Variants in BBS4 observed in about 807,000 individuals in gnomAD.
The protein encoded by BBS4 is BBSome complex member BBS4.
In BBS4, 58 loss-of-function variants were observed where a neutral mutation model predicts 71.4. The observed-to-expected ratio is 0.81, with a 90% CI of 0.66 to 1.01. BBS4 has a LOEUF of 1.01. Among genes scored for constraint, BBS4 ranks in the 50% least tolerant of loss-of-function variants. BBS4 has a pLI of 0.00. For synonymous variants in BBS4, 228 were observed against 216.8 expected, an observed-to-expected ratio of 1.05 and a Z score of -0.46; for missense variants, 660 against 607.9, an observed-to-expected ratio of 1.09 and a Z score of -0.90.
intron 1 of BBS4, among the ~76,000 whole-genome samples, chr15:72,688,954 CCTCT>C: frequency 6.6e-6 from 1 of 152,040 alleles, no homozygotes; most frequent in East Asian, 1.9e-4. Context: ...CTCAGAAGCC[CCTCT>C]CTCTCACTAG....
intron 14 of BBS4, among the ~76,000 whole-genome samples, chr15:72,736,465 C>T (rs1327190354): frequency 1.3e-5 from 2 of 152,062 alleles, no homozygotes; most frequent in Non-Finnish European, 2.9e-5. Flanking sequence ...TGGTCTTGAT[C>T]TCTTGACCTC....
intron 4 of BBS4, 114 bp downstream of exon 4, chr15:72,712,421 A>C: frequency 1.0e-6 from 1 of 966,610 alleles, no homozygotes; most frequent in Non-Finnish European, 1.6e-6. Flanking sequence ...CCACTTAACA[A>C]TGGAGATATG....
intron 2 of BBS4, among the ~76,000 whole-genome samples, chr15:72,706,465 T>C (rs2151012145): frequency 6.6e-6 from 1 of 152,272 alleles, no homozygotes; most frequent in East Asian, 1.9e-4. Context: ...GTGCACTTTA[T>C]GCACTTAACA....
rs910553502 is a variant in BBS4 at position 72,737,800 on chromosome 15, A to C, written c.*213A>C. ...CCTCTACTGCCCCATAAGCCAGGAA[A>C]AGTGAAAAGAGAACACAGTTCCTTT... On this transcript the variant is annotated 3_prime_UTR_variant, in exon 16 of 16. Coordinates refer to ENST00000268057, the MANE Select transcript of BBS4 (RefSeq NM_033028.5). 5.2e-6 allele frequency: 3 copies of C among 582,246 alleles called. No homozygotes were observed. In the East Asian group the frequency reaches 1.1e-4, roughly 22 times the overall value. 36.1% of individuals were successfully genotyped at this position (582,246 alleles called of 1,614,324 possible).
chr15:72,728,969 C>G (rs968003238), intron 9 of BBS4, among the ~76,000 whole-genome samples: 1 of 152,176 alleles, frequency 6.6e-6, no homozygotes, highest in East Asian at 1.9e-4. Flanking sequence ...GAGGTTGGCT[C>G]CACGGGAGAT....
intron 1 of BBS4, among the ~76,000 whole-genome samples, chr15:72,690,184 G>A (rs2150990373): frequency 6.6e-6 from 1 of 152,210 alleles, no homozygotes; most frequent in East Asian, 1.9e-4. Context: ...TAAATTGAAG[G>A]ATTAAACTGA....
At chr15:72,718,556 G>A (rs977431395) in intron 6 of BBS4, among the ~76,000 whole-genome samples, 3 of 152,150 alleles carry the variant, frequency 2.0e-5, no homozygotes, top group South Asian at 2.1e-4. Flanking sequence ...TTTGTTAGTC[G>A]CTTTTCTTCT....
At chr15:72,701,700 G>A (rs941838572) in intron 2 of BBS4, among the ~76,000 whole-genome samples, 1 of 151,992 alleles carries the variant, frequency 6.6e-6, no homozygotes, top group Non-Finnish European at 1.5e-5. Context: ...AGTATCCTAT[G>A]TGCCCTTTGA....
intron 1 of BBS4, chr15:72,686,796 GTCGCTA>G: frequency 2.8e-6 from 1 of 353,150 alleles, no homozygotes; most frequent in South Asian, 2.2e-5. Flanking sequence ...GGATGACCTA[GTCGCTA>G]TTTTTTGAGG....
chr15:72,696,054 T>G (rs575435637), intron 2 of BBS4, among the ~76,000 whole-genome samples: 1 of 152,244 alleles, frequency 6.6e-6, no homozygotes, highest in Non-Finnish European at 1.5e-5. Context: ...CTTACTGATG[T>G]AGTTACTGAT....
intron 7 of BBS4, among the ~76,000 whole-genome samples, chr15:72,723,316 A>G (rs931945040): frequency 6.6e-6 from 1 of 152,180 alleles, no homozygotes; most frequent in Admixed American, 6.5e-5. Flanking sequence ...GTTATTTTCC[A>G]TGATGAGAAA....
chr15:72,688,409 A>ATTTTTTTTTTTTTTTTTTT (rs1188469848), intron 1 of BBS4, among the ~76,000 whole-genome samples: 1 of 24,122 alleles, frequency 4.1e-5, no homozygotes, highest in Non-Finnish European at 9.8e-5. Flanking sequence ...GTGGTATTTT[A>ATTTTTTTTTTTTTTTTTTT]TCTTTTTTTT....
intron 2 of BBS4, among the ~76,000 whole-genome samples, chr15:72,707,024 A>G (rs2065275551): frequency 1.3e-5 from 2 of 151,686 alleles, no homozygotes; most frequent in African/African-American, 4.8e-5. Flanking sequence ...ACTCTGAGTC[A>G]CAGTAAGCTT....
At chr15:72,729,736 C>T (rs1359705515) in intron 10 of BBS4, 52 bp downstream of exon 10, 1 of 1,490,638 alleles carries the variant, frequency 6.7e-7, no homozygotes, top group South Asian at 1.1e-5. Flanking sequence ...CCCACTGCTC[C>T]TAGAGGTGAT....
chr15:72,703,101 G>A (rs1318743693), intron 2 of BBS4, among the ~76,000 whole-genome samples: 1 of 151,890 alleles, frequency 6.6e-6, no homozygotes, highest in Non-Finnish European at 1.5e-5. Context: ...GTGAGCCATC[G>A]CGCCCGGCCG....
chr15:72,704,699 G>A (rs920984885), intron 2 of BBS4, among the ~76,000 whole-genome samples: 1 of 152,010 alleles, frequency 6.6e-6, no homozygotes, highest in Non-Finnish European at 1.5e-5. Flanking sequence ...GGCGGACATG[G>A]CAAAACCCCA....
chr15:72,713,020 CTTT>C (rs879762255), intron 4 of BBS4, among the ~76,000 whole-genome samples: 1 of 141,400 alleles, frequency 7.1e-6, no homozygotes, highest in Non-Finnish European at 1.6e-5. Flanking sequence ...CTTTTTCTTT[CTTT>C]TTTTTTTTTG....
At chr15:72,731,261 C>T in intron 10 of BBS4, 44 bp from the exon 11 acceptor site, 1 of 1,612,986 alleles carries the variant, frequency 6.2e-7, no homozygotes. Flanking sequence ...CTGCTACAGC[C>T]TTTTGGGAAT....
At chr15:72,707,182 C>CT (rs955024934) in intron 2 of BBS4, among the ~76,000 whole-genome samples, 17 of 144,776 alleles carry the variant, frequency 1.2e-4, no homozygotes, top group African/African-American at 4.1e-4. Flanking sequence ...TTTTTCTTTT[C>CT]TTTTTTTTTT....
Sources: gnomAD v4.1 joint callset for allele counts (sites outside exome capture counted in the v4.1 genomes callset) on GRCh38, gnomAD v4.1.1 for gene constraint, MANE v1.5 for transcripts, NCBI Gene and HGNC (gene_info 2026-07-23, HGNC 2026-07-21) for gene names.